Variants in GHR observed in about 807,000 individuals in gnomAD.
The protein encoded by GHR is GH receptor.
A neutral mutation model predicts 67.1 loss-of-function variants in GHR; 35 were observed. The ratio of observed to expected loss-of-function variants is 0.52; its 90% CI spans 0.40 to 0.69. The LOEUF (loss-of-function observed/expected upper bound fraction) is 0.69, where lower values mean the gene tolerates loss of function less well. Among genes scored for constraint, GHR ranks in the 30% least tolerant of loss-of-function variants. The pLI, the probability that GHR is intolerant of heterozygous loss-of-function variation, is 0.00. For missense variants in GHR, 792 were observed against 764.6 expected, an observed-to-expected ratio of 1.04 and a Z score of -0.42; for synonymous variants, 272 against 269.1, an observed-to-expected ratio of 1.01 and a Z score of -0.10.
intron 1 of GHR, among the ~76,000 whole-genome samples, chr5:42,510,921 C>A (rs977149245): frequency 1.2e-4 from 18 of 152,308 alleles, no homozygotes; most frequent in African/African-American, 4.3e-4. Flanking sequence ...GTGCAGCAGC[C>A]AACTTCAGGG....
chr5:42,439,324 C>T (rs1026814604), intron 1 of GHR, among the ~76,000 whole-genome samples: 1 of 152,186 alleles, frequency 6.6e-6, no homozygotes, highest in Non-Finnish European at 1.5e-5. Context: ...TTGTTAGGTG[C>T]ATGTTTGCAC....
intron 1 of GHR, chr5:42,465,673 G>T: frequency 1.2e-6 from 1 of 856,834 alleles, no homozygotes; most frequent in Admixed American, 1.7e-5. Context: ...CACGTTACAG[G>T]TCCTCGTGCT....
At chr5:42,518,395 T>C (rs1310601780) in intron 1 of GHR, among the ~76,000 whole-genome samples, 1 of 152,072 alleles carries the variant, frequency 6.6e-6, no homozygotes, top group African/African-American at 2.4e-5. Flanking sequence ...CTTTTCTCCT[T>C]TTGGTATGGA....
At chr5:42,519,853 A>T (rs1409109991) in intron 1 of GHR, among the ~76,000 whole-genome samples, 1 of 152,148 alleles carries the variant, frequency 6.6e-6, no homozygotes, top group South Asian at 2.1e-4. Flanking sequence ...CATGTAGTAA[A>T]AACTGATTGT....
intron 1 of GHR, among the ~76,000 whole-genome samples, chr5:42,426,769 AT>A (rs1475369121): frequency 6.6e-6 from 1 of 152,138 alleles, no homozygotes; most frequent in Non-Finnish European, 1.5e-5. Context: ...CTGGCAAGTA[AT>A]TTTTTTCAAC....
chr5:42,513,655 G>T (rs370780825), intron 1 of GHR, among the ~76,000 whole-genome samples: 42 of 152,242 alleles, frequency 2.8e-4, no homozygotes, highest in African/African-American at 1.0e-3. Flanking sequence ...GGTGGTGCAT[G>T]CCTGTAATCC....
intron 3 of GHR, among the ~76,000 whole-genome samples, chr5:42,677,818 T>C (rs1353017129): frequency 6.6e-6 from 1 of 152,218 alleles, no homozygotes; most frequent in Non-Finnish European, 1.5e-5. Flanking sequence ...GCCAAAAGAT[T>C]GGACACCTAT....
chr5:42,426,742 C>T (rs1742868012), intron 1 of GHR, among the ~76,000 whole-genome samples: 2 of 152,050 alleles, frequency 1.3e-5, no homozygotes, highest in Non-Finnish European at 2.9e-5. Flanking sequence ...GTAAACAAGA[C>T]AGTACAGAAT....
chr5:42,468,281 G>A lies in GHR; in HGVS notation c.-12+44326G>A, dbSNP rs536201568. 8.3e-5 allele frequency: 131 copies of A among 1,571,250 alleles called. 1 individual carries two copies. In the African/African-American group the frequency reaches 1.3e-3, roughly 16 times the overall value. ...TCCTCCTTTTTCACCTTCACTGGGC[G>A]GCATGGGCCTAGGGCCATGGCTTCT... On this transcript the variant is annotated intron_variant, in intron 1 of 9. Coordinates refer to ENST00000230882, the MANE Select transcript of GHR (RefSeq NM_000163.5).
At chr5:42,437,034 T>A (rs1336778563) in intron 1 of GHR, among the ~76,000 whole-genome samples, 3 of 152,240 alleles carry the variant, frequency 2.0e-5, no homozygotes. Flanking sequence ...AGCCTAGAGT[T>A]AGTATCTAAT....
chr5:42,574,757 G>C (rs1407691834), intron 2 of GHR, among the ~76,000 whole-genome samples: 1 of 152,158 alleles, frequency 6.6e-6, no homozygotes, highest in African/African-American at 2.4e-5. Flanking sequence ...GATGTATTTA[G>C]ATCAAAACCA....
At chr5:42,610,260 T>C (rs982743924) in intron 2 of GHR, among the ~76,000 whole-genome samples, 9 of 152,164 alleles carry the variant, frequency 5.9e-5, no homozygotes, top group Admixed American at 2.6e-4. Context: ...AAACACACCA[T>C]TGGCAATGAA....
intron 1 of GHR, among the ~76,000 whole-genome samples, chr5:42,482,134 G>A (rs551484050): frequency 5.6e-4 from 85 of 152,080 alleles, no homozygotes; most frequent in African/African-American, 2.0e-3. Context: ...ATTGGAGTTT[G>A]CTAGACGTCC....
intron 2 of GHR, among the ~76,000 whole-genome samples, chr5:42,589,470 A>G (rs1751663280): frequency 6.6e-6 from 1 of 152,198 alleles, no homozygotes; most frequent in African/African-American, 2.4e-5. Flanking sequence ...TCTGAGTGGA[A>G]TAATCTTTTT....
intron 3 of GHR, among the ~76,000 whole-genome samples, chr5:42,663,498 T>G (rs1296739254): frequency 6.6e-6 from 1 of 152,144 alleles, no homozygotes; most frequent in African/African-American, 2.4e-5. Context: ...AAAAACCACA[T>G]GATTATCTCA....
intron 6 of GHR, among the ~76,000 whole-genome samples, chr5:42,708,576 T>C (rs1758296423): frequency 6.6e-6 from 1 of 152,198 alleles, no homozygotes; most frequent in Non-Finnish European, 1.5e-5. Context: ...CCAAACTCTT[T>C]AAGATTCTCA....
At chr5:42,595,784 G>A (rs1012864213) in intron 2 of GHR, among the ~76,000 whole-genome samples, 11 of 152,342 alleles carry the variant, frequency 7.2e-5, no homozygotes, top group African/African-American at 2.4e-4. Context: ...GAGAGGCGGG[G>A]TGTTTTATGT....
intron 6 of GHR, among the ~76,000 whole-genome samples, chr5:42,703,108 A>T (rs1472432015): frequency 6.6e-6 from 1 of 151,952 alleles, no homozygotes; most frequent in Non-Finnish European, 1.5e-5. Flanking sequence ...TTCCCAATGG[A>T]GTCATATCCA....
intron 6 of GHR, among the ~76,000 whole-genome samples, chr5:42,709,019 A>G (rs1037764043): frequency 2.0e-5 from 3 of 152,222 alleles, no homozygotes; most frequent in Non-Finnish European, 4.4e-5. Flanking sequence ...ATTGGTTATG[A>G]AGCACAGGCG....
Sources: gnomAD v4.1 joint callset for allele counts (sites outside exome capture counted in the v4.1 genomes callset) on GRCh38, gnomAD v4.1.1 for gene constraint, MANE v1.5 for transcripts, NCBI Gene and HGNC (gene_info 2026-07-23, HGNC 2026-07-21) for gene names.